MINDY2: variants seen among roughly 807,000 people sequenced by gnomAD.
MINDY2 encodes MINDY lysine 48 deubiquitinase 2.
MINDY2 carries 52 observed loss-of-function variants against 68.2 expected under a neutral mutation model. The ratio of observed to expected loss-of-function variants is 0.76; its 90% CI spans 0.61 to 0.96. MINDY2 has a LOEUF of 0.96. Ranked by LOEUF, MINDY2 falls within the 40% of genes least tolerant of loss-of-function variation. MINDY2 has a pLI of 0.00. For synonymous variants in MINDY2, 372 were observed against 303.0 expected (o/e 1.23, Z -2.36); for missense variants, 881 against 773.4 (o/e 1.14, Z -1.65).
At chr15:58,783,924 C>T (rs568727465) in intron 1 of MINDY2, among the ~76,000 whole-genome samples, 3 of 151,342 alleles carry the variant, frequency 2.0e-5, no homozygotes, top group Admixed American at 6.6e-5. Context: ...CCAGCCTGGA[C>T]GATAGAATAA....
intron 1 of MINDY2, among the ~76,000 whole-genome samples, chr15:58,777,362 A>G (rs1047198229): frequency 2.6e-5 from 4 of 152,232 alleles, no homozygotes; most frequent in African/African-American, 9.6e-5. Flanking sequence ...GATTTGAGCA[A>G]AGGAGTAAGT....
intron 5 of MINDY2, among the ~76,000 whole-genome samples, chr15:58,827,668 G>C (rs2031483944): frequency 6.6e-6 from 1 of 152,046 alleles, no homozygotes; most frequent in African/African-American, 2.4e-5. Context: ...GTTTCACCGT[G>C]GTCTCGATCT....
chr15:58,784,620 CT>C (rs777455607), intron 1 of MINDY2, among the ~76,000 whole-genome samples: 146 of 129,838 alleles, frequency 1.1e-3, no homozygotes, highest in Middle Eastern at 4.0e-3. Flanking sequence ...TCTTTCTTTC[CT>C]TTTTTTTTTT....
At chr15:58,843,855 A>AAAAAC (rs398027493) in intron 6 of MINDY2, among the ~76,000 whole-genome samples, 1 of 148,386 alleles carries the variant, frequency 6.7e-6, no homozygotes, top group Non-Finnish European at 1.5e-5. Context: ...AAAAAAAAAA[A>AAAAAC]TCCTGACAAT....
intron 1 of MINDY2, among the ~76,000 whole-genome samples, chr15:58,785,062 G>A (rs1356663843): frequency 1.3e-5 from 2 of 148,244 alleles, no homozygotes; most frequent in African/African-American, 5.0e-5. Context: ...AAAAGACAAA[G>A]GAGTACAAGC....
intron 6 of MINDY2, among the ~76,000 whole-genome samples, chr15:58,837,879 G>A (rs749892867): frequency 1.3e-4 from 19 of 148,596 alleles, no homozygotes; most frequent in Non-Finnish European, 1.9e-4. Context: ...TGAGATGGGA[G>A]GATAATTTGA....
intron 3 of MINDY2, among the ~76,000 whole-genome samples, chr15:58,803,170 A>G (rs1414983164): frequency 4.6e-5 from 7 of 152,208 alleles, no homozygotes; most frequent in African/African-American, 2.4e-5. Flanking sequence ...ATAAAATTTG[A>G]AAAATCAACA....
intron 5 of MINDY2, among the ~76,000 whole-genome samples, chr15:58,831,474 T>C (rs922691575): frequency 2.6e-5 from 4 of 152,234 alleles, no homozygotes; most frequent in African/African-American, 9.6e-5. Context: ...TTTTATTGTG[T>C]CTGCTTTTTT....
intron 7 of MINDY2, among the ~76,000 whole-genome samples, chr15:58,848,171 G>T (rs2032629888): frequency 6.6e-6 from 1 of 151,684 alleles, no homozygotes. Context: ...ATATGATGGT[G>T]ATGTGAATTC....
At chr15:58,844,299 G>A (rs2032419606) in intron 6 of MINDY2, among the ~76,000 whole-genome samples, 1 of 152,142 alleles carries the variant, frequency 6.6e-6, no homozygotes, top group Non-Finnish European at 1.5e-5. Flanking sequence ...TGTAATCCCA[G>A]CACTTTGGGA....
intron 6 of MINDY2, among the ~76,000 whole-genome samples, chr15:58,844,375 G>A (rs947337764): frequency 1.1e-4 from 17 of 150,630 alleles, no homozygotes; most frequent in Admixed American, 4.6e-4. Context: ...GTGAAACCCC[G>A]TCTCTACTAA....
At chr15:58,852,287 CAA>C (rs60365490) in intron 8 of MINDY2, among the ~76,000 whole-genome samples, 6 of 61,932 alleles carry the variant, frequency 9.7e-5, no homozygotes, top group African/African-American at 1.8e-4. Context: ...GACTCCTTCT[CAA>C]AAAAAAAAAA....
chr15:58,859,060 C>G lies in MINDY2; in HGVS notation c.*4450C>G, dbSNP rs534642032. On this transcript the variant is annotated 3_prime_UTR_variant, in exon 9 of 9. Coordinates refer to ENST00000559228, the MANE Select transcript of MINDY2 (RefSeq NM_001040450.3). Reference sequence around the variant, plus strand: ...TGTTCTTGAATGTGCACACTTTTTTCTCAATAACAAAATATATCTTAAGTC... The same window carrying G: ...TGTTCTTGAATGTGCACACTTTTTTGTCAATAACAAAATATATCTTAAGTC... 5.9e-5 allele frequency: 9 copies of G among 151,930 alleles called. No homozygotes were observed. Among genetic ancestry groups the G allele is most frequent in the Non-Finnish European group, 1.2e-4 (8 of 67,920 alleles). The allele number at this position is 151,930 out of a possible 1,614,324, so 9.4% of individuals were successfully genotyped here.
At chr15:58,776,516 T>C (rs947101351) in intron 1 of MINDY2, among the ~76,000 whole-genome samples, 1 of 152,184 alleles carries the variant, frequency 6.6e-6, no homozygotes, top group Admixed American at 6.5e-5. Flanking sequence ...AATAAAAATG[T>C]AGTACATTAC....
In MINDY2 at chr15:58,828,559, A is replaced by T. The variant is rs114030759; in HGVS notation, c.1226-3215A>T. Among the ~76,000 whole-genome samples, 1,338 of 148,174 alleles carry T rather than the reference A, an allele frequency of 9.0e-3. 19 individuals are homozygous for T. Among genetic ancestry groups the T allele is most frequent in the African/African-American group, 0.03 (1,190 of 40,042 alleles). On this transcript the variant is annotated intron_variant, in intron 5 of 8. Coordinates refer to ENST00000559228, the MANE Select transcript of MINDY2 (RefSeq NM_001040450.3). Reference sequence around the variant, plus strand: ...CAGAGGAAAACAGTTTAATGAACTAATTTATTATTGAATTTCTTTTTTTTT... The same window carrying T: ...CAGAGGAAAACAGTTTAATGAACTATTTTATTATTGAATTTCTTTTTTTTT...
intron 1 of MINDY2, among the ~76,000 whole-genome samples, chr15:58,781,187 T>C (rs1369187162): frequency 6.6e-6 from 1 of 152,058 alleles, no homozygotes; most frequent in African/African-American, 2.4e-5. Flanking sequence ...GTACCTGAGA[T>C]TACAGACACC....
rs558941630 is a variant in MINDY2 at position 58,799,908 on chromosome 15, T to A, written c.899-2405T>A. Among the ~76,000 whole-genome samples, 4 of 152,308 alleles carry A rather than the reference T, an allele frequency of 2.6e-5. No homozygotes were observed. The East Asian group carries it at 5.8e-4, about 22-fold the overall frequency. On this transcript the variant is annotated intron_variant, in intron 2 of 8. Coordinates refer to ENST00000559228, the MANE Select transcript of MINDY2 (RefSeq NM_001040450.3). ...ATATGAAACTCAACATAAACTGGAA[T>A]GTATATTGTGACTTCAGCCATCTAA... is the stretch of plus-strand genomic sequence containing the variant.
intron 2 of MINDY2, among the ~76,000 whole-genome samples, chr15:58,791,166 T>C (rs1595713534): frequency 9.1e-6 from 1 of 110,170 alleles, no homozygotes; most frequent in Non-Finnish European, 2.0e-5. Context: ...GACAACAGAG[T>C]GAGACTCCTT....
Position 58,851,824 on chromosome 15 carries a change from T to C in MINDY2, c.1596T>C (p.Asn532=), listed in dbSNP as rs369643125. ...AAGAACAGCAGAGCCAAGAGATCAATTGGGAACAAATCCCGGAAGGAATCA... is the reference window on the plus strand; with the variant it reads ...AAGAACAGCAGAGCCAAGAGATCAACTGGGAACAAATCCCGGAAGGAATCA... ...LQQEQQSQEI[N]WEQIPEGISD... Residue 532 remains asparagine (N), a synonymous_variant, in exon 8 of 9, where the codon AAT becomes AAC. Coordinates refer to ENST00000559228, the MANE Select transcript of MINDY2 (RefSeq NM_001040450.3). 47 of 1,611,938 alleles carry C rather than the reference T, an allele frequency of 2.9e-5. No individual in the cohort carries two copies. The highest frequency in any genetic ancestry group is 3.7e-5 in the Non-Finnish European group (44 of 1,179,436).
Sources: gnomAD v4.1 joint callset for allele counts (sites outside exome capture counted in the v4.1 genomes callset) on GRCh38, gnomAD v4.1.1 for gene constraint, MANE v1.5 for transcripts, NCBI Gene and HGNC (gene_info 2026-07-23, HGNC 2026-07-21) for gene names.